The following ACAP2 variants were observed in gnomAD, a reference collection of about 807,000 sequenced individuals.
ACAP2 encodes the protein arf-GAP with coiled-coil, ANK repeat and PH domain-containing protein 2.
A neutral mutation model predicts 115.8 loss-of-function variants in ACAP2; 39 were observed. That is an observed-to-expected ratio of 0.34 (90% CI 0.26 to 0.44). ACAP2 has a LOEUF of 0.44. Ranked by LOEUF, ACAP2 falls within the 20% of genes least tolerant of loss-of-function variation. The pLI is 1.00. For synonymous variants in ACAP2, 289 were observed against 315.8 expected, an observed-to-expected ratio of 0.92 and a Z score of 0.90; for missense variants, 662 against 927.6, an observed-to-expected ratio of 0.71 and a Z score of 3.72.
rs202058656 is a variant in ACAP2 at position 195,295,917 on chromosome 3, T to C, written c.1488-25A>G. 3,575 of 1,586,716 alleles carry C rather than the reference T, an allele frequency of 2.3e-3. 4 individuals are homozygous for C. The highest frequency in any genetic ancestry group is 2.8e-3 in the Non-Finnish European group (3,323 of 1,167,776). Reference sequence around the variant, plus strand: ...TCTGACAGACATAAAAATGTCATGATGTTTTGCTTAATCTCTCAGCATGGC... The same window carrying C: ...TCTGACAGACATAAAAATGTCATGACGTTTTGCTTAATCTCTCAGCATGGC... On this transcript the variant is annotated intron_variant, in intron 16 of 22. Coordinates refer to ENST00000326793, the MANE Select transcript of ACAP2 (RefSeq NM_012287.6).
intron 4 of ACAP2, among the ~76,000 whole-genome samples, chr3:195,378,861 CAA>C (rs367815107): frequency 1.7e-4 from 12 of 70,730 alleles, no homozygotes; most frequent in Non-Finnish European, 1.8e-4. Flanking sequence ...ACTCTGTCTC[CAA>C]AAAAAAAAAA....
At chr3:195,356,456 A>T (rs1577350095) in intron 4 of ACAP2, among the ~76,000 whole-genome samples, 1 of 152,290 alleles carries the variant, frequency 6.6e-6, no homozygotes, top group African/African-American at 2.4e-5. Context: ...CTGGGCTCAG[A>T]GCCAGTGGAC....
chr3:195,434,535 T>C (rs2108866376), intron 1 of ACAP2, among the ~76,000 whole-genome samples: 1 of 152,214 alleles, frequency 6.6e-6, no homozygotes, highest in East Asian at 1.9e-4. Context: ...TGTGCCCAGC[T>C]GGTCTGTAGG....
chr3:195,345,151 T>A (rs1731116722), intron 5 of ACAP2, 108 bp downstream of exon 5: 13 of 778,196 alleles, frequency 1.7e-5, no homozygotes, highest in South Asian at 1.4e-4. Context: ...AAACAAAATG[T>A]CAATATTTTC....
intron 1 of ACAP2, among the ~76,000 whole-genome samples, chr3:195,427,803 A>G (rs1381164066): frequency 6.6e-6 from 1 of 152,050 alleles, no homozygotes; most frequent in Non-Finnish European, 1.5e-5. Flanking sequence ...CCCTGATAGG[A>G]GGCTGAGGTG....
chr3:195,299,680 T>C (rs1577257150), intron 15 of ACAP2, among the ~76,000 whole-genome samples: 2 of 151,754 alleles, frequency 1.3e-5, no homozygotes, highest in East Asian at 3.9e-4. Context: ...CTACTAAAAA[T>C]ACAAAAAATT....
chr3:195,285,727 G>T (rs1726800779), intron 22 of ACAP2, 69 bp downstream of exon 22: 6 of 1,291,780 alleles, frequency 4.6e-6, no homozygotes, highest in South Asian at 3.8e-5. Flanking sequence ...TCTTCCAGTT[G>T]TAAACTGATA....
At chr3:195,399,196 G>A (rs1712058286) in intron 1 of ACAP2, among the ~76,000 whole-genome samples, 1 of 152,086 alleles carries the variant, frequency 6.6e-6, no homozygotes, top group African/African-American at 2.4e-5. Flanking sequence ...AACCTCACCA[G>A]ATTTTATATT....
intron 3 of ACAP2, 28 bp from the exon 4 acceptor site, chr3:195,381,090 A>C (rs752655213): frequency 2.5e-6 from 4 of 1,575,808 alleles, no homozygotes; most frequent in Non-Finnish European, 3.4e-6. Flanking sequence ...AAAGAAAACC[A>C]AATCATTTAT....
chr3:195,294,609 TTATA>T (rs869264780), intron 18 of ACAP2, 106 bp downstream of exon 18: 19 of 36,920 alleles, frequency 5.1e-4, no homozygotes, highest in Non-Finnish European at 1.6e-3. Flanking sequence ...AAAAAAAAAA[TTATA>T]TATATATATA....
chr3:195,286,268 G>A (rs906657356), intron 21 of ACAP2, among the ~76,000 whole-genome samples: 1 of 152,174 alleles, frequency 6.6e-6, no homozygotes, highest in Admixed American at 6.5e-5. Context: ...CTGAAGTGAG[G>A]TAGCTGCAGA....
intron 20 of ACAP2, among the ~76,000 whole-genome samples, chr3:195,290,217 A>C (rs1727149865): frequency 6.6e-6 from 1 of 151,992 alleles, no homozygotes; most frequent in African/African-American, 2.4e-5. Flanking sequence ...AAAAATTTAA[A>C]AATTAGCCGG....
At chr3:195,407,465 G>C (rs938282295) in intron 1 of ACAP2, among the ~76,000 whole-genome samples, 2 of 152,172 alleles carry the variant, frequency 1.3e-5, no homozygotes, top group African/African-American at 4.8e-5. Context: ...CCAACACTTT[G>C]AGGAGCCAAG....
intron 18 of ACAP2, among the ~76,000 whole-genome samples, chr3:195,292,921 C>CA (rs3988217): frequency 0.029 from 2,246 of 76,676 alleles, 215 homozygotes; most frequent in African/African-American, 0.11. Context: ...GACTCAGTCT[C>CA]AAAAAAAAAA....
chr3:195,378,662 A>AC (rs1211857059), intron 4 of ACAP2, among the ~76,000 whole-genome samples: 1 of 152,082 alleles, frequency 6.6e-6, no homozygotes, highest in African/African-American at 2.4e-5. Flanking sequence ...GGAGTTTGAG[A>AC]CCAGCCTAGC....
chr3:195,415,708 T>C (rs940240371), intron 1 of ACAP2, among the ~76,000 whole-genome samples: 1 of 152,220 alleles, frequency 6.6e-6, no homozygotes, highest in African/African-American at 2.4e-5. Context: ...TATATGACTT[T>C]ATTGCATACC....
rs1336980048 is a variant in ACAP2 at position 195,350,731 on chromosome 3, TA to T, written c.286-5415del. On this transcript the variant is annotated intron_variant, in intron 4 of 22. Transcript: ENST00000326793. ...CGCATATGGTCAGCTTTTATTCATT[TA>T]TTTTTTTTACAAAAGGTGCCAATAA... 9.2e-5 allele frequency among the ~76,000 whole-genome samples: 14 copies of T among 152,000 alleles called. No individual in the cohort carries two copies. The East Asian group carries it at 2.3e-3, about 25-fold the overall frequency.
chr3:195,356,013 C>T, intron 4 of ACAP2: 1 of 438,698 alleles, frequency 2.3e-6, no homozygotes, highest in Admixed American at 2.4e-5. Flanking sequence ...CTGACAACCA[C>T]CTACACAAAA....
chr3:195,294,755 G>T lies in ACAP2; in HGVS notation c.1729C>A (p.Pro577Thr), dbSNP rs1727536051. The change falls in exon 18 of 23, where the codon CCC becomes ACC. Residue 577 changes from proline to threonine, a missense_variant. Coordinates refer to ENST00000326793, the MANE Select transcript of ACAP2 (RefSeq NM_012287.6). ...AAACTATTGGCTGACACCGTGGAGG[G>T]TAAAGATTCTCTTCCATCATCAGAG... ...QSSDDGRESL[P>T]STVSANSLYE... is the part of the protein sequence containing the mutation. 6.8e-6 allele frequency: 11 copies of T among 1,610,148 alleles called. No homozygotes were observed. Among genetic ancestry groups the T allele is most frequent in the Non-Finnish European group, 9.3e-6 (11 of 1,177,510 alleles).
Sources: allele counts gnomAD v4.1 joint callset (sites outside exome capture counted in the v4.1 genomes callset), GRCh38; gene constraint gnomAD v4.1.1; transcripts MANE v1.5; gene names NCBI Gene and HGNC (gene_info 2026-07-23, HGNC 2026-07-21).